C22orf31: variants seen among roughly 807,000 people sequenced by gnomAD.
The protein encoded by C22orf31 is uncharacterized protein C22orf31.
In C22orf31, 11 loss-of-function variants were observed where a neutral mutation model predicts 15.0. The observed-to-expected ratio is 0.73, with a 90% CI of 0.46 to 1.21. The LOEUF (loss-of-function observed/expected upper bound fraction) is 1.21, where lower values mean the gene tolerates loss of function less well. C22orf31 is among the 50% of genes most tolerant of loss of function. The pLI, the probability that C22orf31 is intolerant of heterozygous loss-of-function variation, is 0.00. For synonymous variants in C22orf31, 132 were observed against 133.3 expected (o/e 0.99, Z 0.07); for missense variants, 340 against 347.2 (o/e 0.98, Z 0.17).
the C22orf31 span, among the ~76,000 whole-genome samples, chr22:29,069,337 G>T: frequency 6.6e-6 from 1 of 152,090 alleles, no homozygotes; most frequent in Admixed American, 6.6e-5. Flanking sequence ...TCCATAAAAT[G>T]ACTGCCCTTT....
At chr22:29,061,105 G>A (rs1569304588) in intron 1 of C22orf31, among the ~76,000 whole-genome samples, 3 of 152,084 alleles carry the variant, frequency 2.0e-5, no homozygotes, top group Non-Finnish European at 4.4e-5. Context: ...CGGGGGTCAG[G>A]GAGGGTTCAC....
At chr22:29,073,271 A>T in the C22orf31 span, 1 of 883,884 alleles carries the variant, frequency 1.1e-6, no homozygotes. This position sits in a 1 kb window ranked among gnomAD's most constrained non-coding sequence, Gnocchi z 4.4. Context: ...AGCGGAGCCC[A>T]CTCGAGGGGC....
At chr22:29,060,930 A>G (rs1473752815) in intron 1 of C22orf31, 87 bp from the exon 2 acceptor site, 1 of 1,108,074 alleles carries the variant, frequency 9.0e-7, no homozygotes, top group East Asian at 2.4e-5. Flanking sequence ...CAAAATATTA[A>G]CATCTTTTTA....
the C22orf31 span, among the ~76,000 whole-genome samples, chr22:29,068,249 TTTTTA>T: frequency 0.01 from 1,561 of 151,418 alleles, 19 homozygotes; most frequent in South Asian, 0.068. Context: ...ACCTGGCTAA[TTTTTA>T]TTTATTTATT....
chr22:29,059,010 G>C lies in C22orf31; in HGVS notation c.605C>G (p.Thr202Arg), dbSNP rs137894229. 4 of 1,614,168 alleles carry C rather than the reference G, an allele frequency of 2.5e-6. No homozygotes were observed. In the South Asian group the frequency reaches 3.3e-5, roughly 13 times the overall value. Residue 202 changes from threonine to arginine, a missense_variant, in exon 3 of 3, where the codon ACG (threonine) becomes AGG (arginine). Transcript: ENST00000216071. Reference sequence around the variant, plus strand: ...TGTGGGGAGACCATGGATGGTTAGCGTGTCCTCCGACAACTGCTGTCTCTT... The same window carrying C: ...TGTGGGGAGACCATGGATGGTTAGCCTGTCCTCCGACAACTGCTGTCTCTT... ...TQKRQQLSEDTLTIHGLPTEG... is the reference protein window; with the variant it reads ...TQKRQQLSEDRLTIHGLPTEG...
the C22orf31 span, among the ~76,000 whole-genome samples, chr22:29,071,395 G>A: frequency 6.6e-6 from 1 of 152,140 alleles, no homozygotes; most frequent in Non-Finnish European, 1.5e-5. Context: ...AGCAGCCGTG[G>A]GTGGGGAAAG....
At chr22:29,067,591 G>A in the C22orf31 span, among the ~76,000 whole-genome samples, 5 of 152,050 alleles carry the variant, frequency 3.3e-5, no homozygotes, top group East Asian at 1.9e-4. Context: ...TTACAGGCAT[G>A]AGCCACCACG....
intron 2 of C22orf31, 126 bp from the exon 3 acceptor site, chr22:29,059,308 G>T (rs1162620153): frequency 2.7e-6 from 2 of 732,440 alleles, no homozygotes; most frequent in East Asian, 2.6e-5. Flanking sequence ...GCATGTTCTA[G>T]TTTACTGAAT....
At chr22:29,059,300 A>C in intron 2 of C22orf31, 118 bp from the exon 3 acceptor site, 1 of 765,986 alleles carries the variant, frequency 1.3e-6, no homozygotes, top group Admixed American at 2.7e-5. Flanking sequence ...TTTGTCTAGC[A>C]TGTTCTAGTT....
chr22:29,071,071 T>C, the C22orf31 span, among the ~76,000 whole-genome samples: 1,145 of 152,062 alleles, frequency 7.5e-3, 12 homozygotes, highest in South Asian at 0.021. Context: ...GGAATAAGGG[T>C]TCTCAGGTCC....
At chr22:29,073,233 T>C in the C22orf31 span, 1 of 1,136,454 alleles carries the variant, frequency 8.8e-7, no homozygotes, top group African/African-American at 1.6e-5. The surrounding 1 kb of genome is among the most constrained non-coding windows in gnomAD (Gnocchi z 4.4). Context: ...ACCCGGTGAG[T>C]GTGAGCGACC....
At chr22:29,067,142 T>C in the C22orf31 span, among the ~76,000 whole-genome samples, 1,714 of 152,336 alleles carry the variant, frequency 0.011, 27 homozygotes, top group African/African-American at 0.039. Flanking sequence ...TGGGACAGTC[T>C]GTTCATAATG....
chr22:29,062,107 T>C (rs1254726466), upstream of C22orf31, among the ~76,000 whole-genome samples: 1 of 152,230 alleles, frequency 6.6e-6, no homozygotes, highest in Non-Finnish European at 1.5e-5. Flanking sequence ...GTTTTGCTTC[T>C]AGCCTCAGAA....
upstream of C22orf31, among the ~76,000 whole-genome samples, chr22:29,065,080 C>G (rs1359808161): frequency 6.6e-6 from 1 of 152,030 alleles, no homozygotes; most frequent in Non-Finnish European, 1.5e-5. Flanking sequence ...GTCTCGAACT[C>G]CTGACCTCGT....
At position 29,060,437 on chromosome 22, in the gene C22orf31, C is replaced by T. The variant is rs765966298; in HGVS notation, c.410G>A (p.Arg137Lys). ...TACCTCTCTGATGCCTCCTGCAGGC[C>T]TCCTATGCCCTGCTGGCTGCTTGCT... ...SKSKQPAGHR[R>K]PAGGIRESKE... is the part of the protein sequence containing the mutation. Residue 137 changes from arginine (R) to lysine (K), a missense_variant, in exon 2 of 3, where the codon AGG (arginine) becomes AAG (lysine). Arg to Lys is a conservative substitution (Grantham distance 26). Coordinates refer to ENST00000216071, the MANE Select transcript of C22orf31 (RefSeq NM_015370.2). 1 of 1,613,252 alleles carries T rather than the reference C, an allele frequency of 6.2e-7. No individual in the cohort carries two copies. The highest frequency in any genetic ancestry group is 8.5e-7 in the Non-Finnish European group (1 of 1,179,852).
chr22:29,071,513 G>A, the C22orf31 span, among the ~76,000 whole-genome samples: 2 of 152,198 alleles, frequency 1.3e-5, no homozygotes, highest in African/African-American at 4.8e-5. Flanking sequence ...GCCCAGCCGC[G>A]CTCTGGGTGC....
chr22:29,064,406 C>CT (rs2037415070), upstream of C22orf31, among the ~76,000 whole-genome samples: 1 of 152,230 alleles, frequency 6.6e-6, no homozygotes, highest in Non-Finnish European at 1.5e-5. Flanking sequence ...CCTAGTCATA[C>CT]TGCCTACCTA....
rs576554339 is a variant in C22orf31 at position 29,060,970 on chromosome 22, A to C, written c.4-127T>G. The C allele has an allele frequency of 5.3e-6, 4 of 755,686 alleles. No homozygotes were observed. In the South Asian group the frequency reaches 7.2e-5, roughly 14 times the overall value. The allele number at this position is 755,686 out of a possible 1,614,324, so 46.8% of individuals were successfully genotyped here. A position where few individuals can be genotyped will look rare whatever the true frequency, so the allele number is the denominator to read the frequency against. ...CCATTCCTTCCACCCAGTTCTTAGA[A>C]ATTTACTATATGTCCTCTCCTGTTC... On this transcript the variant is annotated intron_variant, in intron 1 of 2. Transcript: ENST00000216071.
chr22:29,070,910 C>T, the C22orf31 span, among the ~76,000 whole-genome samples: 2 of 152,134 alleles, frequency 1.3e-5, no homozygotes, highest in African/African-American at 4.8e-5. Context: ...TGGCTGTATC[C>T]TCAGCCCTTG....
Sources: gnomAD v4.1 joint callset for allele counts (sites outside exome capture counted in the v4.1 genomes callset) on GRCh38, gnomAD v4.1.1 for gene constraint, Gnocchi (gnomAD v3.1) non-coding constraint, MANE v1.5 for transcripts, NCBI Gene and HGNC (gene_info 2026-07-23, HGNC 2026-07-21) for gene names.